Variants in KIF16B observed in about 807,000 individuals in gnomAD.
KIF16B encodes kinesin-like protein KIF16B.
Under a neutral mutation model 156.3 loss-of-function variants are expected in KIF16B, and 98 were observed. The observed-to-expected ratio is 0.63, with a 90% CI of 0.53 to 0.74. KIF16B has a LOEUF of 0.74. Among genes scored for constraint, KIF16B ranks in the 30% least tolerant of loss-of-function variants. The probability of loss-of-function intolerance (pLI) is 0.00; values close to 1 mark genes in which losing one functional copy is unlikely to be tolerated. For missense variants in KIF16B, 1,421 were observed against 1,606.5 expected, an observed-to-expected ratio of 0.88 and a Z score of 1.97; for synonymous variants, 564 against 583.7, an observed-to-expected ratio of 0.97 and a Z score of 0.49.
chr20:16,539,717 C>T (rs886987510), intron 1 of KIF16B, among the ~76,000 whole-genome samples: 4 of 152,320 alleles, frequency 2.6e-5, no homozygotes, highest in African/African-American at 9.6e-5. Flanking sequence ...TTATAAATTA[C>T]CCAGTCTCAG....
chr20:16,347,575 T>A (rs7269190), intron 23 of KIF16B, among the ~76,000 whole-genome samples: 11,831 of 137,988 alleles, frequency 0.086, 1,408 homozygotes, highest in African/African-American at 0.27. Context: ...GAAAAAAAAA[T>A]TTTTTTTCAC....
intron 23 of KIF16B, among the ~76,000 whole-genome samples, chr20:16,338,262 C>T (rs1007305769): frequency 5.3e-5 from 8 of 152,262 alleles, no homozygotes; most frequent in Middle Eastern, 3.4e-3. Flanking sequence ...GCTGGGATGG[C>T]GGTCGATACT....
intron 23 of KIF16B, among the ~76,000 whole-genome samples, chr20:16,355,876 C>T (rs1383392463): frequency 6.6e-6 from 1 of 152,178 alleles, no homozygotes; most frequent in Non-Finnish European, 1.5e-5. Flanking sequence ...TTATACCAGC[C>T]ACAAGATGCA....
At chr20:16,503,585 ATATACT>A (rs1241322490) in intron 10 of KIF16B, among the ~76,000 whole-genome samples, 6 of 152,196 alleles carry the variant, frequency 3.9e-5, no homozygotes, top group African/African-American at 1.4e-4. Context: ...TCTTTTCACG[ATATACT>A]TAAGACATCC....
chr20:16,339,004 G>A (rs925258141), intron 23 of KIF16B, among the ~76,000 whole-genome samples: 5 of 152,180 alleles, frequency 3.3e-5, no homozygotes, highest in Non-Finnish European at 7.3e-5. Context: ...GACAGAAGTG[G>A]AGTGGCAGAC....
At chr20:16,460,507 A>C (rs1425150322) in intron 12 of KIF16B, among the ~76,000 whole-genome samples, 1 of 152,078 alleles carries the variant, frequency 6.6e-6, no homozygotes, top group East Asian at 1.9e-4. Flanking sequence ...GGTTGCAGTG[A>C]GCGGAGATCG....
chr20:16,404,328 C>T (rs779368435), intron 17 of KIF16B, among the ~76,000 whole-genome samples: 2 of 152,224 alleles, frequency 1.3e-5, no homozygotes, highest in Non-Finnish European at 2.9e-5. Context: ...GGTCACCCAG[C>T]CACTAAGTCA....
At chr20:16,421,939 A>G (rs2066236418) in intron 15 of KIF16B, among the ~76,000 whole-genome samples, 1 of 152,100 alleles carries the variant, frequency 6.6e-6, no homozygotes, top group African/African-American at 2.4e-5. Flanking sequence ...CCGACAATTA[A>G]CCTTCAATGC....
chr20:16,369,654 A>G (rs1289453215), intron 22 of KIF16B, among the ~76,000 whole-genome samples: 1 of 152,266 alleles, frequency 6.6e-6, no homozygotes, highest in Non-Finnish European at 1.5e-5. Flanking sequence ...AATGCAATCA[A>G]GGCAAACTTA....
intron 1 of KIF16B, among the ~76,000 whole-genome samples, chr20:16,541,775 C>A (rs2070211265): frequency 6.6e-6 from 1 of 152,206 alleles, no homozygotes; most frequent in African/African-American, 2.4e-5. Context: ...AGAAGTGGAG[C>A]TGCAGCACCG....
At chr20:16,363,045 T>C (rs1183573687) in intron 22 of KIF16B, among the ~76,000 whole-genome samples, 1 of 152,230 alleles carries the variant, frequency 6.6e-6, no homozygotes, top group East Asian at 1.9e-4. Flanking sequence ...TTGAAAAATG[T>C]ACTGTTTAAG....
At chr20:16,548,574 G>A (rs2070504780) in intron 1 of KIF16B, among the ~76,000 whole-genome samples, 1 of 152,184 alleles carries the variant, frequency 6.6e-6, no homozygotes, top group Non-Finnish European at 1.5e-5. Flanking sequence ...AAGGGATCTA[G>A]GTTGCAACCT....
chr20:16,360,250 G>C (rs539953282), intron 22 of KIF16B, among the ~76,000 whole-genome samples: 2 of 152,116 alleles, frequency 1.3e-5, no homozygotes, highest in Non-Finnish European at 2.9e-5. Context: ...TGGACAGGAA[G>C]TAAAGTTAAC....
At chr20:16,572,291 T>C (rs1381288842) in intron 1 of KIF16B, among the ~76,000 whole-genome samples, 1 of 152,180 alleles carries the variant, frequency 6.6e-6, no homozygotes, top group Non-Finnish European at 1.5e-5. Context: ...GCTGCCCCAA[T>C]CAGGCATCAG....
rs183491753 is a variant in KIF16B, at chr20:16,428,423, C to T, written c.1474+530G>A. Among the ~76,000 whole-genome samples, 23 of 152,228 alleles carry T rather than the reference C, an allele frequency of 1.5e-4. No homozygotes were observed. In the East Asian group the frequency reaches 4.1e-3, roughly 27 times the overall value. Reference sequence around the variant, plus strand: ...GTTATGCTCTTAAAGCCTGTAAGGACCTCATCTGTGTAGGCTAAGTCACTG... The same window carrying T: ...GTTATGCTCTTAAAGCCTGTAAGGATCTCATCTGTGTAGGCTAAGTCACTG... On this transcript the variant is annotated intron_variant, in intron 14 of 25. Transcript: ENST00000354981.
chr20:16,556,711 A>G (rs2070863717), intron 1 of KIF16B, among the ~76,000 whole-genome samples: 1 of 152,162 alleles, frequency 6.6e-6, no homozygotes, highest in South Asian at 2.1e-4. Flanking sequence ...TGTTCCAGGC[A>G]TGCTCCTGAC....
Position 16,506,125 on chromosome 20 carries a change from T to G in KIF16B, c.765A>C (p.Gly255=), listed in dbSNP as rs1291312541. ...CTCCGGTGGCATCTGCACGCTCACT[T>G]CCGGCAAGATCAACCAAGTGGATCT... ...VSKIHLVDLA[G]SERADATGAT... The change falls in exon 8 of 26, where the codon GGA becomes GGC. Residue 255 remains glycine, a synonymous_variant. Coordinates refer to ENST00000354981, the MANE Select transcript of KIF16B (RefSeq NM_024704.5). The G allele has an allele frequency of 6.2e-7, 1 of 1,613,980 alleles. No individual in the cohort carries two copies. The highest frequency in any genetic ancestry group is 1.7e-5 in the Admixed American group (1 of 60,004).
At chr20:16,550,641 C>T (rs529454355) in intron 1 of KIF16B, among the ~76,000 whole-genome samples, 1 of 150,218 alleles carries the variant, frequency 6.7e-6, no homozygotes, top group African/African-American at 2.5e-5. Flanking sequence ...TCAGATGATC[C>T]TCCCACCTCA....
At chr20:16,469,248 G>A (rs1228587674) in intron 12 of KIF16B, among the ~76,000 whole-genome samples, 1 of 85,794 alleles carries the variant, frequency 1.2e-5, no homozygotes, top group Non-Finnish European at 2.4e-5. Context: ...GCAGGACCCT[G>A]TGTCTTAAAA....
Sources: allele counts gnomAD v4.1 joint callset (sites outside exome capture counted in the v4.1 genomes callset), GRCh38; gene constraint gnomAD v4.1.1; transcripts MANE v1.5; gene names NCBI Gene and HGNC (gene_info 2026-07-23, HGNC 2026-07-21).